METTL24: variants seen among roughly 807,000 people sequenced by gnomAD.
The protein encoded by METTL24 is probable methyltransferase-like protein 24.
Under a neutral mutation model 32.7 loss-of-function variants are expected in METTL24, and 29 were observed. The ratio of observed to expected loss-of-function variants is 0.89; its 90% CI spans 0.66 to 1.21. METTL24 has a LOEUF of 1.21. Among genes scored for constraint, METTL24 ranks in the 50% most tolerant of loss-of-function variants. The pLI is 0.00. For synonymous variants in METTL24, 163 were observed against 179.5 expected, an observed-to-expected ratio of 0.91 and a Z score of 0.73; for missense variants, 439 against 468.1, an observed-to-expected ratio of 0.94 and a Z score of 0.57.
intron 4 of METTL24, among the ~76,000 whole-genome samples, chr6:110,250,595 T>C (rs1273179365): frequency 2.0e-5 from 3 of 149,156 alleles, no homozygotes; most frequent in Non-Finnish European, 4.6e-5. Context: ...TTTTGCAATG[T>C]GTTTAGGAGC....
At chr6:110,272,596 G>A (rs998669318) in intron 4 of METTL24, among the ~76,000 whole-genome samples, 1 of 152,172 alleles carries the variant, frequency 6.6e-6, no homozygotes, top group African/African-American at 2.4e-5. Context: ...GCAGTGTAAA[G>A]TGTTCCCATT....
intron 1 of METTL24, among the ~76,000 whole-genome samples, chr6:110,323,934 T>C (rs1771975175): frequency 1.3e-5 from 2 of 152,114 alleles, no homozygotes. Context: ...CATTCACATA[T>C]ACACAGTGTT....
chr6:110,275,467 C>T, intron 4 of METTL24, among the ~76,000 whole-genome samples: 1 of 152,104 alleles, frequency 6.6e-6, no homozygotes, highest in East Asian at 1.9e-4. Context: ...TATTCAACTT[C>T]CAAGAACCAT....
chr6:110,314,990 G>GTT (rs111369642), intron 3 of METTL24, among the ~76,000 whole-genome samples: 6 of 142,958 alleles, frequency 4.2e-5, no homozygotes, highest in African/African-American at 7.7e-5. Context: ...AGTTTTTTGT[G>GTT]TTTTTTTTTT....
chr6:110,318,696 T>C (rs1241059114), intron 2 of METTL24, among the ~76,000 whole-genome samples: 1 of 141,912 alleles, frequency 7.0e-6, no homozygotes, highest in Admixed American at 6.9e-5. Context: ...AGAAAAGAAA[T>C]AAAACACAAA....
At chr6:110,288,005 A>G (rs1771254163) in intron 4 of METTL24, among the ~76,000 whole-genome samples, 1 of 152,240 alleles carries the variant, frequency 6.6e-6, no homozygotes, top group African/African-American at 2.4e-5. Flanking sequence ...TACAACAGCT[A>G]GTACAGAAAT....
intron 1 of METTL24, among the ~76,000 whole-genome samples, chr6:110,327,039 A>T (rs1358903355): frequency 2.0e-5 from 3 of 152,224 alleles, no homozygotes; most frequent in Non-Finnish European, 4.4e-5. Context: ...TCACAATTTA[A>T]TATAGGCCAC....
intron 3 of METTL24, among the ~76,000 whole-genome samples, chr6:110,300,951 G>A (rs185583431): frequency 8.5e-5 from 13 of 152,246 alleles, no homozygotes; most frequent in African/African-American, 1.2e-4. Context: ...ATGTGCATTG[G>A]TTATATACAG....
At chr6:110,272,955 G>A (rs1437432447) in intron 4 of METTL24, among the ~76,000 whole-genome samples, 1 of 152,106 alleles carries the variant, frequency 6.6e-6, no homozygotes, top group Non-Finnish European at 1.5e-5. Flanking sequence ...CTGTGCAGAA[G>A]GGTTTTAGTT....
chr6:110,295,794 A>AAAGAAAGGAAGGAAGGAAGGAAGGAAGG (rs375674093), intron 4 of METTL24, among the ~76,000 whole-genome samples: 7 of 136,322 alleles, frequency 5.1e-5, no homozygotes, highest in South Asian at 5.1e-4. Flanking sequence ...AGAAAGAAAG[A>AAAGAAAGGAAGGAAGGAAGGAAGGAAGG]AAGGAAGGAA....
chr6:110,299,299 CT>C, intron 3 of METTL24, 149 bp from the exon 4 acceptor site: 1 of 646,288 alleles, frequency 1.5e-6, no homozygotes, highest in Non-Finnish European at 2.6e-6. Flanking sequence ...ATTCAATAAA[CT>C]TTCTTTCACA....
At chr6:110,338,049 A>G (rs955961823) in intron 1 of METTL24, among the ~76,000 whole-genome samples, 3 of 152,232 alleles carry the variant, frequency 2.0e-5, no homozygotes, top group Non-Finnish European at 4.4e-5. Flanking sequence ...AATGCCAGGG[A>G]GGAAAGAACA....
chr6:110,329,799 T>G (rs1772081753), intron 1 of METTL24, among the ~76,000 whole-genome samples: 2 of 152,152 alleles, frequency 1.3e-5, no homozygotes, highest in African/African-American at 4.8e-5. Flanking sequence ...TGCAAAAATT[T>G]CATTTAAAAA....
intron 1 of METTL24, among the ~76,000 whole-genome samples, chr6:110,337,125 C>T (rs1215154055): frequency 6.6e-6 from 1 of 152,152 alleles, no homozygotes; most frequent in African/African-American, 2.4e-5. Context: ...TTTGCAGGAA[C>T]ATAGATGGAG....
intron 1 of METTL24, among the ~76,000 whole-genome samples, chr6:110,348,428 A>T (rs1192454918): frequency 6.6e-6 from 1 of 152,216 alleles, no homozygotes; most frequent in Non-Finnish European, 1.5e-5. Context: ...TATTACTTTC[A>T]CTGACTTCTC....
chr6:110,289,533 T>C (rs755818131), intron 4 of METTL24, among the ~76,000 whole-genome samples: 2 of 151,800 alleles, frequency 1.3e-5, no homozygotes, highest in Non-Finnish European at 2.9e-5. Flanking sequence ...AGCCTGGATA[T>C]AGTTAAAAAG....
At chr6:110,251,295 C>A (rs1034765241) in intron 4 of METTL24, among the ~76,000 whole-genome samples, 9 of 152,154 alleles carry the variant, frequency 5.9e-5, no homozygotes, top group African/African-American at 2.2e-4. Flanking sequence ...TGGACTGGAA[C>A]TTTTACTGGA....
At chr6:110,267,728 G>T (rs969026224) in intron 4 of METTL24, among the ~76,000 whole-genome samples, 7 of 152,194 alleles carry the variant, frequency 4.6e-5, no homozygotes, top group Non-Finnish European at 8.8e-5. Flanking sequence ...ATAAAGAAAA[G>T]AGGTTTATTT....
intron 1 of METTL24, 132 bp downstream of exon 1, chr6:110,357,823 G>T (rs925198741): frequency 2.9e-5 from 9 of 312,318 alleles, no homozygotes; most frequent in East Asian, 7.7e-5. Flanking sequence ...GAGAGCACAG[G>T]GGGAAGAGAA....
Sources: gnomAD v4.1 joint callset for allele counts (sites outside exome capture counted in the v4.1 genomes callset) on GRCh38, gnomAD v4.1.1 for gene constraint, MANE v1.5 for transcripts, NCBI Gene and HGNC (gene_info 2026-07-23, HGNC 2026-07-21) for gene names.